The following DIDO1 variants were observed in gnomAD, a reference collection of about 807,000 sequenced individuals.
The protein encoded by DIDO1 is death inducer-obliterator 1, also known as death-inducer obliterator 1.
DIDO1 carries 16 observed loss-of-function variants against 99.4 expected under a neutral mutation model. The ratio of observed to expected loss-of-function variants is 0.16; its 90% CI spans 0.11 to 0.24. The LOEUF (loss-of-function observed/expected upper bound fraction) is 0.24. Among genes scored for constraint, DIDO1 ranks in the 10% least tolerant of loss-of-function variants. The pLI, the probability that DIDO1 is intolerant of heterozygous loss-of-function variation, is 1.00. For missense variants in DIDO1, 2,996 were observed against 3,014.0 expected (o/e 0.99, Z 0.14); for synonymous variants, 1,366 against 1,239.1 (o/e 1.10, Z -2.15).
rs1444805809 is a variant in DIDO1, at chr20:62,894,299, T to C, written c.2573-105A>G. Reference sequence around the variant, plus strand: ...CTAAAGGCAGGGCAGGAAATCATTCTGGCCCTTCTGCGTGTTTAAGCTTAC... The same window carrying C: ...CTAAAGGCAGGGCAGGAAATCATTCCGGCCCTTCTGCGTGTTTAAGCTTAC... On this transcript the variant is annotated intron_variant, in intron 11 of 15. Coordinates refer to ENST00000395343, the MANE Select transcript of DIDO1 (RefSeq NM_001193369.2). This position sits in a 1 kb window ranked among gnomAD's most constrained non-coding sequence, Gnocchi z 4.4. 3 of 1,571,222 alleles carry C rather than the reference T, an allele frequency of 1.9e-6. No individual in the cohort carries two copies. The highest frequency in any genetic ancestry group is 2.6e-6 in the Non-Finnish European group (3 of 1,157,660).
At chr20:62,914,967 A>G (rs190497797) in intron 1 of DIDO1, among the ~76,000 whole-genome samples, 3 of 152,290 alleles carry the variant, frequency 2.0e-5, no homozygotes, top group Admixed American at 2.0e-4. Context: ...TTAAGAAACA[A>G]TTCTCTTGTA....
rs2064389588 is a variant in DIDO1 at position 62,891,168 on chromosome 20, A to T, written c.3346-13T>A. ...TCAGACAGAGCTCCTGCAATGGAAG[A>T]GTGGGAAGCACTCATAAAGAAAATG... On this transcript the variant is annotated splice_polypyrimidine_tract_variant and intron_variant, in intron 14 of 15. Transcript: ENST00000395343. The T allele has an allele frequency of 1.2e-6, 2 of 1,613,698 alleles. No individual in the cohort carries two copies. Among genetic ancestry groups the T allele is most frequent in the Admixed American group, 3.3e-5 (2 of 59,998 alleles).
rs578024696 is a variant in DIDO1, at chr20:62,880,692, T to A, written c.5264A>T (p.Glu1755Val). 1.9e-6 allele frequency: 3 copies of A among 1,612,776 alleles called. No individual in the cohort carries two copies. In the Admixed American group the frequency reaches 5.0e-5, roughly 27 times the overall value. Residue 1755 changes from glutamate to valine, a missense_variant, in exon 16 of 16, where the codon GAA becomes GTA. Glu to Val is a moderately radical substitution (Grantham distance 121, BLOSUM62 -2). Around this residue, in one of 5 missense-constraint regions of DIDO1, gnomAD observed 1,562 missense variants for 1,412.6 expected, o/e 1.11. Transcript: ENST00000395343. ...GSQPPFQGQR[E>V]PGPHALGMSG... ...CATCCCCAAAGCATGAGGTCCAGGT[T>A]CCCGCTGACCCTGAAACGGGGGCTG...
Position 62,881,237 on chromosome 20 carries a change from C to A in DIDO1, c.4719G>T (p.Gly1573=). The change falls in exon 16 of 16, where the codon GGG becomes GGT. Residue 1573 remains glycine (G), a synonymous_variant. Coordinates refer to ENST00000395343, the MANE Select transcript of DIDO1 (RefSeq NM_001193369.2). The surrounding 1 kb of genome is among the most constrained non-coding windows in gnomAD (Gnocchi z 8.3). ...ARRLATETGE[G]EGEPLSRLSA... ...AGAGCCTGGAGAGAGGCTCCCCCTC[C>A]CCCTCACCGGTCTCAGTGGCCAGGC... 6.2e-7 allele frequency: 1 copy of A among 1,603,210 alleles called. No homozygotes were observed. Among genetic ancestry groups the A allele is most frequent in the South Asian group, 1.1e-5 (1 of 90,500 alleles).
chr20:62,899,933 A>G (rs2064625702), intron 6 of DIDO1, among the ~76,000 whole-genome samples: 1 of 152,204 alleles, frequency 6.6e-6, no homozygotes, highest in Non-Finnish European at 1.5e-5. Flanking sequence ...TGAAATGGGG[A>G]CAGAAACTTT....
At chr20:62,930,101 G>A (rs1262602851), upstream of DIDO1, among the ~76,000 whole-genome samples, 1 of 152,040 alleles carries the variant, frequency 6.6e-6, no homozygotes, top group African/African-American at 2.4e-5. Flanking sequence ...TTAGCCGGGC[G>A]TGGTGGCAGG....
chr20:62,888,429 G>C (rs749200653), intron 15 of DIDO1: 3 of 985,532 alleles, frequency 3.0e-6, no homozygotes, highest in Non-Finnish European at 3.6e-6. Flanking sequence ...ATGTGCCGCA[G>C]AGAACTGAGG....
intron 6 of DIDO1, among the ~76,000 whole-genome samples, chr20:62,899,062 C>T (rs2064601338): frequency 6.6e-6 from 1 of 152,092 alleles, no homozygotes; most frequent in Admixed American, 6.5e-5. Context: ...AATGAAAAGG[C>T]CCAGCAGGCC....
intron 6 of DIDO1, among the ~76,000 whole-genome samples, chr20:62,897,388 T>C (rs942885070): frequency 6.6e-6 from 1 of 152,250 alleles, no homozygotes; most frequent in Non-Finnish European, 1.5e-5. Context: ...GCAAACTGTT[T>C]GTAAACTTCA....
chr20:62,905,241 G>C, intron 6 of DIDO1: 1 of 1,314,790 alleles, frequency 7.6e-7, no homozygotes, highest in African/African-American at 1.5e-5. Context: ...AGTGTTCTAG[G>C]TGTGAACTCA....
rs1163802642 is a variant in DIDO1, at chr20:62,907,427, G to T, written c.1162-68C>A. On this transcript the variant is annotated intron_variant, in intron 4 of 15. Transcript: ENST00000395343. The stretch of plus-strand genomic sequence containing the variant: ...TTTTAAGCAGTTAAGTGTGTGTTTT[G>T]TAAAATCACCATTTATAGTACCAAG... 2.7e-6 allele frequency: 4 copies of T among 1,481,964 alleles called. No individual in the cohort carries two copies. In the East Asian group the frequency reaches 9.1e-5, roughly 34 times the overall value. 91.8% of individuals were successfully genotyped at this position (1,481,964 alleles called of 1,614,324 possible).
rs1359160199 is a variant in DIDO1 at position 62,878,450 on chromosome 20, A to G, written c.*783T>C. The G allele has an allele frequency of 6.6e-6, 1 of 152,220 alleles. No homozygotes were observed. The highest frequency in any genetic ancestry group is 1.5e-5 in the Non-Finnish European group (1 of 68,042). The allele number at this position is 152,220 out of a possible 1,614,324, so 9.4% of individuals were successfully genotyped here. The stretch of plus-strand genomic sequence containing the variant: ...CCCGGGATACAGAAGAACTGCTCAG[A>G]AGGCGAAACTGGACCAACAAAACTC... On this transcript the variant is annotated 3_prime_UTR_variant, in exon 16 of 16. Coordinates refer to ENST00000395343, the MANE Select transcript of DIDO1 (RefSeq NM_001193369.2).
At chr20:62,926,513 G>C (rs955202702), upstream of DIDO1, 2 of 151,890 alleles carry the variant, frequency 1.3e-5, no homozygotes, top group Non-Finnish European at 2.9e-5. Flanking sequence ...GATGGCGCGG[G>C]GCTAGAGCGG....
chr20:62,887,555 T>C (rs543221719), intron 15 of DIDO1: 1 of 985,280 alleles, frequency 1.0e-6, no homozygotes, highest in Non-Finnish European at 1.2e-6. Flanking sequence ...TGTGCACCCA[T>C]GTTTATGGAC....
At position 62,881,317 on chromosome 20, in the gene DIDO1, A is replaced by G. The variant is rs1020097345; in HGVS notation, c.4639T>C (p.Ser1547Pro). Residue 1547 changes from serine to proline, a missense_variant, in exon 16 of 16, where the codon TCA becomes CCA. This residue lies in a region of DIDO1 where 1,562 missense variants were observed against 1,412.6 expected (regional missense o/e 1.11). Transcript: ENST00000395343. The surrounding 1 kb of genome is among the most constrained non-coding windows in gnomAD (Gnocchi z 8.3). ...QEQQSADKPA[S>P]LPPASQASNH... ...GACGCCTGGCTGGCGGGGGGCAGTG[A>G]GGCGGGCTTGTCTGCAGACTGCTGC... 6.2e-7 allele frequency: 1 copy of G among 1,604,288 alleles called. No individual in the cohort carries two copies. Among genetic ancestry groups the G allele is most frequent in the African/African-American group, 1.3e-5 (1 of 74,848 alleles).
In DIDO1 at chr20:62,879,592, T is replaced by C; in HGVS notation, c.6364A>G (p.Asn2122Asp). The C allele has an allele frequency of 6.2e-7, 1 of 1,603,004 alleles. No individual in the cohort carries two copies. The highest frequency in any genetic ancestry group is 8.5e-7 in the Non-Finnish European group (1 of 1,179,532). Residue 2122 changes from asparagine (N) to aspartate (D), a missense_variant, in exon 16 of 16, where the codon AAC becomes GAC. Physicochemically the swap from Asn to Asp is conservative, Grantham distance 23. Around this residue, in one of 5 missense-constraint regions of DIDO1, gnomAD observed 1,562 missense variants for 1,412.6 expected, o/e 1.11. Transcript: ENST00000395343. This position sits in a 1 kb window ranked among gnomAD's most constrained non-coding sequence, Gnocchi z 6.3. ...DRRRERERGR[N>D]WSRERDWDRP... ...TCCCAGTCCCGCTCTCGGCTCCAGT[T>C]TCGGCCGCGCTCGCGCTCTCTCCTC... is the stretch of plus-strand genomic sequence containing the variant.
intron 6 of DIDO1, among the ~76,000 whole-genome samples, chr20:62,904,568 G>C (rs1018989706): frequency 6.6e-6 from 1 of 151,970 alleles, no homozygotes; most frequent in Non-Finnish European, 1.5e-5. Flanking sequence ...ATCACATGAG[G>C]CCAGGAGTTC....
chr20:62,922,010 T>C (rs779901245), intron 1 of DIDO1, among the ~76,000 whole-genome samples: 3 of 150,070 alleles, frequency 2.0e-5, no homozygotes, highest in Non-Finnish European at 4.4e-5. Context: ...ACTATATATA[T>C]ATCCACACAA....
chr20:62,881,180 C>G lies in DIDO1; in HGVS notation c.4776G>C (p.Glu1592Asp). Residue 1592 changes from glutamate to aspartate, a missense_variant, in exon 16 of 16, where the codon GAG becomes GAC. Around this residue, in one of 5 missense-constraint regions of DIDO1, gnomAD observed 1,562 missense variants for 1,412.6 expected, o/e 1.11. Coordinates refer to ENST00000395343, the MANE Select transcript of DIDO1 (RefSeq NM_001193369.2). The surrounding 1 kb of genome is among the most constrained non-coding windows in gnomAD (Gnocchi z 8.3). ...CGAGGCCACCCCTGGAAGCATCTCT[C>G]TCGGGCAGGGCACCCTGGGCACCAC... is the stretch of plus-strand genomic sequence containing the variant. ...SARGAQGALP[E>D]RDASRGGLVG... 1 of 1,608,418 alleles carries G rather than the reference C, an allele frequency of 6.2e-7. No homozygotes were observed. Among genetic ancestry groups the G allele is most frequent in the Non-Finnish European group, 8.5e-7 (1 of 1,179,442 alleles).
Sources: allele counts gnomAD v4.1 joint callset (sites outside exome capture counted in the v4.1 genomes callset), GRCh38; gene constraint gnomAD v4.1.1; regional missense constraint gnomAD v4.1.1; non-coding constraint Gnocchi (gnomAD v3.1); transcripts MANE v1.5; gene names NCBI Gene and HGNC (gene_info 2026-07-23, HGNC 2026-07-21).